BCAR3: variants seen among roughly 807,000 people sequenced by gnomAD.
BCAR3 encodes BCAR3 adaptor protein, NSP family member.
BCAR3 carries 37 observed loss-of-function variants against 80.1 expected under a neutral mutation model. The observed-to-expected ratio is 0.46, with a 90% CI of 0.36 to 0.61. The LOEUF (loss-of-function observed/expected upper bound fraction) is 0.61. BCAR3 is among the 20% of genes least tolerant of loss of function. The pLI is 0.00. For missense variants in BCAR3, 978 were observed against 1,068.2 expected (o/e 0.92, Z 1.18); for synonymous variants, 389 against 418.9 (o/e 0.93, Z 0.87).
At position 93,610,914 on chromosome 1, in the gene BCAR3, A is replaced by C. The variant is rs111294614; in HGVS notation, c.358-18521T>G. 9.3e-3 allele frequency among the ~76,000 whole-genome samples: 1,408 copies of C among 151,438 alleles called. 18 individuals carry two copies. Among genetic ancestry groups the C allele is most frequent in the African/African-American group, 0.032 (1,295 of 41,038 alleles). Reference sequence around the variant, plus strand: ...CCATTGCACTCCAGCCTGGGCAACTACGTCTCAAAAAAAAAAAAGAAAGAG... The same window carrying C: ...CCATTGCACTCCAGCCTGGGCAACTCCGTCTCAAAAAAAAAAAAGAAAGAG... On this transcript the variant is annotated intron_variant, in intron 3 of 11. Transcript: ENST00000260502.
At chr1:93,833,895 A>G (rs1042913591) in intron 2 of BCAR3, among the ~76,000 whole-genome samples, 1 of 152,234 alleles carries the variant, frequency 6.6e-6, no homozygotes, top group Non-Finnish European at 1.5e-5. Context: ...AGACAGGCAT[A>G]GGACATTATA....
chr1:93,755,510 T>A (rs551239891), intron 2 of BCAR3, among the ~76,000 whole-genome samples: 1 of 152,344 alleles, frequency 6.6e-6, no homozygotes, highest in South Asian at 2.1e-4. Context: ...ACACAAATAC[T>A]TAGCATTCTG....
At chr1:93,638,537 T>A (rs1675871391) in intron 3 of BCAR3, among the ~76,000 whole-genome samples, 1 of 152,036 alleles carries the variant, frequency 6.6e-6, no homozygotes, top group African/African-American at 2.4e-5. Flanking sequence ...ACTTCATAAT[T>A]TTGCCTAGGG....
chr1:93,844,779 G>C (rs1383714080), intron 2 of BCAR3, among the ~76,000 whole-genome samples: 1 of 149,792 alleles, frequency 6.7e-6, no homozygotes, highest in East Asian at 2.0e-4. Flanking sequence ...CGCGATCATA[G>C]CTCACTGTAA....
chr1:93,599,321 T>C (rs1557854246), intron 3 of BCAR3: 1 of 152,208 alleles, frequency 6.6e-6, no homozygotes, highest in Admixed American at 6.5e-5. Flanking sequence ...AGATGGAAAG[T>C]GACCTCTAGC....
At chr1:93,562,630 G>T (rs536949144) in intron 11 of BCAR3, among the ~76,000 whole-genome samples, 1 of 151,940 alleles carries the variant, frequency 6.6e-6, no homozygotes, top group Non-Finnish European at 1.5e-5. Context: ...AATTAGCCAG[G>T]CGTGGTGGCG....
intron 2 of BCAR3, among the ~76,000 whole-genome samples, chr1:93,746,672 C>T (rs1187157182): frequency 6.6e-6 from 1 of 152,158 alleles, no homozygotes; most frequent in Non-Finnish European, 1.5e-5. Flanking sequence ...CCATTCTGAG[C>T]CACTCCTTAG....
chr1:93,600,986 T>C lies in BCAR3; in HGVS notation c.358-8593A>G, dbSNP rs1674603338. On this transcript the variant is annotated intron_variant, in intron 3 of 11. Coordinates refer to ENST00000260502, the MANE Select transcript of BCAR3 (RefSeq NM_003567.4). Reference sequence around the variant, plus strand: ...TCTGTCTAGCAGGTTCCTTGTCACATTGGGTGTGGAGGAGAGGAGAGAGCT... The same window carrying C: ...TCTGTCTAGCAGGTTCCTTGTCACACTGGGTGTGGAGGAGAGGAGAGAGCT... Among the ~76,000 whole-genome samples the C allele has an allele frequency of 2.0e-5, 3 of 152,124 alleles. No homozygotes were observed. In the South Asian group the frequency reaches 6.2e-4, roughly 32 times the overall value.
At chr1:93,776,238 G>C (rs1221209666) in intron 2 of BCAR3, among the ~76,000 whole-genome samples, 1 of 152,096 alleles carries the variant, frequency 6.6e-6, no homozygotes, top group African/African-American at 2.4e-5. Context: ...TAATTTTATA[G>C]GATAGAAAAT....
chr1:93,583,389 A>G (rs1466567982), intron 6 of BCAR3, among the ~76,000 whole-genome samples: 1 of 152,210 alleles, frequency 6.6e-6, no homozygotes, highest in African/African-American at 2.4e-5. Flanking sequence ...GAGACAGGGA[A>G]GGGAAAAGAG....
chr1:93,615,274 G>C (rs112989575), intron 3 of BCAR3, among the ~76,000 whole-genome samples: 1 of 152,246 alleles, frequency 6.6e-6, no homozygotes, highest in African/African-American at 2.4e-5. Flanking sequence ...GGAGACCTTG[G>C]CCTTTGGACT....
chr1:93,741,661 C>T lies in BCAR3; in HGVS notation c.-62-35519G>A, dbSNP rs146789749. On this transcript the variant is annotated intron_variant, in intron 2 of 13. Coordinates refer to the BCAR3 transcript ENST00000370244. The stretch of plus-strand genomic sequence containing the variant: ...TCGGCTCACTGCAACCTCCACCTCC[C>T]GGCTTCAAGTGATTCTCCTGCCTCA... 3.5e-3 allele frequency among the ~76,000 whole-genome samples: 534 copies of T among 152,274 alleles called. 4 individuals are homozygous for T. The highest frequency in any genetic ancestry group is 0.012 in the African/African-American group (483 of 41,546).
At position 93,716,633 on chromosome 1, in the gene BCAR3, A is replaced by G. The variant is rs6541390; in HGVS notation, c.-62-10491T>C. On this transcript the variant is annotated intron_variant, in intron 2 of 13. Coordinates refer to the BCAR3 transcript ENST00000370244. ...GGTAAGGTAGAGGGGACGTTGAGAC[A>G]ACCAAGAGGAATGCCGAGAAAGGGT... 7.9e-3 allele frequency among the ~76,000 whole-genome samples: 1,199 copies of G among 152,364 alleles called. 20 individuals carry two copies. The highest frequency in any genetic ancestry group is 0.028 in the African/African-American group (1,154 of 41,586).
At chr1:93,606,760 G>A (rs1244534586) in intron 3 of BCAR3, among the ~76,000 whole-genome samples, 2 of 152,168 alleles carry the variant, frequency 1.3e-5, no homozygotes, top group Admixed American at 6.5e-5. Context: ...AGAGGGCTGG[G>A]GGAGGCTTTT....
intron 2 of BCAR3, among the ~76,000 whole-genome samples, chr1:93,798,007 T>C (rs1381065786): frequency 6.6e-6 from 1 of 152,218 alleles, no homozygotes; most frequent in Non-Finnish European, 1.5e-5. Context: ...TAGAAGAGGC[T>C]TTCCTGGATT....
chr1:93,774,570 C>T (rs762689712), intron 2 of BCAR3, among the ~76,000 whole-genome samples: 7 of 152,038 alleles, frequency 4.6e-5, no homozygotes, highest in Non-Finnish European at 1.0e-4. Flanking sequence ...TAAAGGAGGC[C>T]CCACATAGCC....
At position 93,589,320 on chromosome 1, in the gene BCAR3, C is replaced by A. The variant is rs200436960; in HGVS notation, c.586G>T (p.Ala196Ser). 6.2e-7 allele frequency: 1 copy of A among 1,614,126 alleles called. No homozygotes were observed. Among genetic ancestry groups the A allele is most frequent in the Non-Finnish European group, 8.5e-7 (1 of 1,180,024 alleles). Residue 196 changes from alanine to serine, a missense_variant, in exon 5 of 12, where the codon GCT (alanine) becomes TCT (serine). Transcript: ENST00000260502. The stretch of plus-strand genomic sequence containing the variant: ...GTCCGGTTGATTTTGAAGTGCTGAG[C>A]GAGGTTCTTCCACTGACAGGTCAGG... ...FVLTCQWKNLAQHFKINRTVL... is the reference protein window; with the variant it reads ...FVLTCQWKNLSQHFKINRTVL...
intron 3 of BCAR3, among the ~76,000 whole-genome samples, chr1:93,635,323 T>G (rs548286852): frequency 6.8e-6 from 1 of 147,312 alleles, no homozygotes; most frequent in Non-Finnish European, 1.5e-5. Context: ...TGGGGTTGTC[T>G]CCAGTTTTTG....
chr1:93,769,874 A>G (rs1032338383), intron 2 of BCAR3, among the ~76,000 whole-genome samples: 34 of 152,202 alleles, frequency 2.2e-4, no homozygotes, highest in African/African-American at 7.9e-4. Context: ...CCCTTAGGAG[A>G]CCCACTTGTG....
Sources: allele counts gnomAD v4.1 joint callset (sites outside exome capture counted in the v4.1 genomes callset), GRCh38; gene constraint gnomAD v4.1.1; transcripts MANE v1.5; gene names NCBI Gene and HGNC (gene_info 2026-07-23, HGNC 2026-07-21).